AP1S3: variants seen among roughly 807,000 people sequenced by gnomAD.
AP1S3 encodes AP-1 complex subunit sigma-3.
A neutral mutation model predicts 20.9 loss-of-function variants in AP1S3; 10 were observed. The ratio of observed to expected loss-of-function variants is 0.48; its 90% CI spans 0.29 to 0.81. AP1S3 has a LOEUF of 0.81. AP1S3 is among the 30% of genes least tolerant of loss of function. AP1S3 has a pLI of 0.08. For synonymous variants in AP1S3, 41 were observed against 61.5 expected, an observed-to-expected ratio of 0.67 and a Z score of 1.56; for missense variants, 154 against 183.8, an observed-to-expected ratio of 0.84 and a Z score of 0.94.
chr2:223,770,751 A>C (rs1454852733), intron 3 of AP1S3, among the ~76,000 whole-genome samples: 1 of 61,122 alleles, frequency 1.6e-5, no homozygotes, highest in Non-Finnish European at 2.6e-5. Context: ...TTTTTTGGAA[A>C]CAGTCTTACT....
At chr2:223,764,459 T>C (rs1690431316) in intron 4 of AP1S3, among the ~76,000 whole-genome samples, 1 of 152,050 alleles carries the variant, frequency 6.6e-6, no homozygotes, top group Non-Finnish European at 1.5e-5. Flanking sequence ...GTAAGTTCCC[T>C]GAGGAGGTAT....
Position 223,809,160 on chromosome 2 carries a change from A to G in AP1S3, c.3+28288T>C, listed in dbSNP as rs541383514. Among the ~76,000 whole-genome samples, 42 of 152,340 alleles carry G rather than the reference A, an allele frequency of 2.8e-4. No homozygotes were observed. The South Asian group carries it at 8.5e-3, about 31-fold the overall frequency. ...ACTCCCCTGCACAAAACTTCTCTCC[A>G]GGAAAGAGCCAAATCCTCACCATGG... is the stretch of plus-strand genomic sequence containing the variant. On this transcript the variant is annotated intron_variant, in intron 1 of 4. Transcript: ENST00000396654.
intron 1 of AP1S3, among the ~76,000 whole-genome samples, chr2:223,789,497 C>T (rs1691159848): frequency 6.6e-6 from 1 of 151,684 alleles, no homozygotes; most frequent in South Asian, 2.1e-4. Context: ...AAGATCCCAT[C>T]CTTCAAAAAT....
At chr2:223,800,841 G>T (rs561118059) in intron 1 of AP1S3, among the ~76,000 whole-genome samples, 1 of 152,180 alleles carries the variant, frequency 6.6e-6, no homozygotes, top group African/African-American at 2.4e-5. Flanking sequence ...TAATGCAATA[G>T]GACAAGAAAG....
intron 1 of AP1S3, among the ~76,000 whole-genome samples, chr2:223,780,295 A>ATG (rs2106093146): frequency 2.1e-5 from 1 of 47,802 alleles, no homozygotes; most frequent in East Asian, 6.5e-4. Flanking sequence ...ATATATATAT[A>ATG]TATATATATA....
At chr2:223,815,847 G>A (rs554520775) in intron 1 of AP1S3, among the ~76,000 whole-genome samples, 3 of 152,282 alleles carry the variant, frequency 2.0e-5, no homozygotes, top group East Asian at 1.9e-4. Flanking sequence ...CAGTGGCTCA[G>A]GTCTCTAATA....
intron 1 of AP1S3, among the ~76,000 whole-genome samples, chr2:223,799,571 AC>A (rs541672728): frequency 9.9e-5 from 15 of 152,200 alleles, no homozygotes; most frequent in Non-Finnish European, 1.6e-4. Context: ...CTATCTCATT[AC>A]AATTCCATAT....
At chr2:223,784,674 C>G (rs1295098239) in intron 1 of AP1S3, among the ~76,000 whole-genome samples, 1 of 152,086 alleles carries the variant, frequency 6.6e-6, no homozygotes, top group Non-Finnish European at 1.5e-5. Flanking sequence ...TATAAGTGCC[C>G]ATATCTTTGG....
intron 2 of AP1S3, among the ~76,000 whole-genome samples, chr2:223,777,273 C>T (rs1261688014): frequency 6.6e-6 from 1 of 152,166 alleles, no homozygotes; most frequent in Non-Finnish European, 1.5e-5. Context: ...CAGATGCCTG[C>T]AATCCTAGCT....
At chr2:223,765,427 T>C in intron 3 of AP1S3, 77 bp from the exon 4 acceptor site, 1 of 1,491,106 alleles carries the variant, frequency 6.7e-7, no homozygotes, top group South Asian at 1.4e-5. Flanking sequence ...CTCGAGCTTT[T>C]TCAGTTTGCA....
At chr2:223,786,167 A>T (rs1691068267) in intron 1 of AP1S3, among the ~76,000 whole-genome samples, 1 of 152,262 alleles carries the variant, frequency 6.6e-6, no homozygotes, top group Admixed American at 6.5e-5. Context: ...TAACCGAAGT[A>T]TCTCCTAGCT....
intron 4 of AP1S3, among the ~76,000 whole-genome samples, chr2:223,759,479 T>C (rs1418926355): frequency 6.6e-6 from 1 of 152,204 alleles, no homozygotes; most frequent in Non-Finnish European, 1.5e-5. Context: ...ATCTTTATTA[T>C]ACATATTGTC....
intron 3 of AP1S3, chr2:223,770,232 T>C (rs1010143197): frequency 2.6e-6 from 4 of 1,550,640 alleles, no homozygotes; most frequent in Admixed American, 2.0e-5. Flanking sequence ...GGAGTTATAG[T>C]AGCAAGCTGA....
chr2:223,772,602 T>C (rs934258414), intron 3 of AP1S3, among the ~76,000 whole-genome samples: 2 of 152,174 alleles, frequency 1.3e-5, no homozygotes, highest in Admixed American at 6.5e-5. Flanking sequence ...TTACTGAAGA[T>C]CGGAAGATTA....
chr2:223,820,922 A>G (rs1030245898), intron 1 of AP1S3, among the ~76,000 whole-genome samples: 10 of 152,036 alleles, frequency 6.6e-5, no homozygotes, highest in Admixed American at 6.6e-5. Context: ...CTCCTTCCCC[A>G]TCATGCCTGA....
intron 3 of AP1S3, among the ~76,000 whole-genome samples, chr2:223,769,106 A>T (rs1690549187): frequency 6.6e-6 from 1 of 152,198 alleles, no homozygotes; most frequent in Non-Finnish European, 1.5e-5. Context: ...TACTGGGGGT[A>T]TATCACAGTT....
rs577314519 is a variant in AP1S3 at position 223,812,179 on chromosome 2, A to G, written c.3+25269T>C. Among the ~76,000 whole-genome samples the G allele has an allele frequency of 2.6e-5, 4 of 152,184 alleles. No individual in the cohort carries two copies. In the East Asian group the frequency reaches 7.7e-4, roughly 29 times the overall value. On this transcript the variant is annotated intron_variant, in intron 1 of 4. Coordinates refer to ENST00000396654, the MANE Select transcript of AP1S3 (RefSeq NM_001039569.2). ...CATTTATTGACCCAGATCTTCTTCCATTTATGCATGCAGGCATGTAAGCCT... is the reference window on the plus strand; with the variant it reads ...CATTTATTGACCCAGATCTTCTTCCGTTTATGCATGCAGGCATGTAAGCCT...
chr2:223,788,253 C>A (rs549753487), intron 1 of AP1S3, among the ~76,000 whole-genome samples: 1 of 151,760 alleles, frequency 6.6e-6, no homozygotes, highest in Admixed American at 6.6e-5. Context: ...GGCTGGACTG[C>A]CACAGTTCTT....
chr2:223,773,171 G>C, intron 3 of AP1S3: 1 of 709,844 alleles, frequency 1.4e-6, no homozygotes, highest in Admixed American at 3.9e-5. Flanking sequence ...GAGATATCTG[G>C]CTGAAATTTG....
Sources: allele counts gnomAD v4.1 joint callset (sites outside exome capture counted in the v4.1 genomes callset), GRCh38; gene constraint gnomAD v4.1.1; transcripts MANE v1.5; gene names NCBI Gene and HGNC (gene_info 2026-07-23, HGNC 2026-07-21).